TMEM132C: variants seen among roughly 807,000 people sequenced by gnomAD.
The protein encoded by TMEM132C is protein phosphatase 1, regulatory subunit 152.
In TMEM132C, 29 loss-of-function variants were observed where a neutral mutation model predicts 61.4. The observed-to-expected ratio is 0.47, with a 90% CI of 0.35 to 0.64. TMEM132C has a LOEUF of 0.64. Among genes scored for constraint, TMEM132C ranks in the 30% least tolerant of loss-of-function variants. TMEM132C has a pLI of 0.00. For synonymous variants in TMEM132C, 656 were observed against 633.1 expected (o/e 1.04, Z -0.54); for missense variants, 1,408 against 1,476.9 (o/e 0.95, Z 0.76).
At chr12:128,702,060 C>G (rs918106282) in intron 8 of TMEM132C, among the ~76,000 whole-genome samples, 4 of 151,930 alleles carry the variant, frequency 2.6e-5, no homozygotes, top group African/African-American at 9.7e-5. Flanking sequence ...CCACCATGCT[C>G]TGCTAATTTT....
intron 2 of TMEM132C, among the ~76,000 whole-genome samples, chr12:128,539,658 A>G (rs1873665635): frequency 6.6e-6 from 1 of 152,172 alleles, no homozygotes. Context: ...CACTGAGCTC[A>G]TAGGGTGGAT....
chr12:128,289,031 A>T lies in TMEM132C; in HGVS notation c.85+21544A>T, dbSNP rs1871166594. ...CATTAGCGCACACATGCACACTCAC[A>T]TTCACACATGCACCTCCCACACATT... On this transcript the variant is annotated intron_variant, in intron 1 of 8. Transcript: ENST00000435159. The T allele has an allele frequency of 2.0e-5, 3 of 152,254 alleles. No individual in the cohort carries two copies. The South Asian group carries it at 6.2e-4, about 32-fold the overall frequency. The allele number at this position is 152,254 out of a possible 1,614,324, so 9.4% of individuals were successfully genotyped here.
intron 4 of TMEM132C, among the ~76,000 whole-genome samples, chr12:128,618,162 C>T (rs1876872940): frequency 1.3e-5 from 2 of 152,150 alleles, no homozygotes; most frequent in African/African-American, 4.8e-5. Flanking sequence ...TACAAGTGTT[C>T]AGTTTCGACC....
intron 8 of TMEM132C, among the ~76,000 whole-genome samples, chr12:128,702,474 A>G (rs575824776): frequency 5.7e-4 from 86 of 152,138 alleles, no homozygotes; most frequent in African/African-American, 2.0e-3. Context: ...GGAGTCTTCT[A>G]TGATCTCACA....
intron 2 of TMEM132C, among the ~76,000 whole-genome samples, chr12:128,423,709 AAAAAG>A (rs1223504895): frequency 6.6e-6 from 1 of 151,750 alleles, no homozygotes; most frequent in Non-Finnish European, 1.5e-5. Context: ...GTCTCTTAAA[AAAAAG>A]AGAAAAGTGG....
intron 2 of TMEM132C, among the ~76,000 whole-genome samples, chr12:128,528,052 TTAA>T (rs1277160260): frequency 1.3e-5 from 2 of 152,202 alleles, no homozygotes; most frequent in African/African-American, 4.8e-5. Context: ...ACTGGCAATA[TTAA>T]TGAGAAATGT....
At chr12:128,424,792 G>A (rs372633213) in intron 2 of TMEM132C, among the ~76,000 whole-genome samples, 20 of 152,288 alleles carry the variant, frequency 1.3e-4, no homozygotes, top group South Asian at 4.1e-4. Flanking sequence ...CTAACTACAC[G>A]TTGAACATTG....
intron 2 of TMEM132C, among the ~76,000 whole-genome samples, chr12:128,453,469 T>C (rs1870242842): frequency 6.6e-6 from 1 of 152,152 alleles, no homozygotes; most frequent in Non-Finnish European, 1.5e-5. Flanking sequence ...CTGGGCTTCT[T>C]GACATGGCCG....
intron 2 of TMEM132C, among the ~76,000 whole-genome samples, chr12:128,488,882 G>A (rs993505418): frequency 6.6e-6 from 1 of 152,124 alleles, no homozygotes; most frequent in South Asian, 2.1e-4. Flanking sequence ...TAACAGAAAA[G>A]CTTTTATAAA....
chr12:128,364,136 C>T lies in TMEM132C; in HGVS notation c.86-50596C>T, dbSNP rs188214200. ...AATTGCCGTTAAAGGTTCAGGATCCCGCATCTGACCTGACCCATAACCACA... is the reference window on the plus strand; with the variant it reads ...AATTGCCGTTAAAGGTTCAGGATCCTGCATCTGACCTGACCCATAACCACA... On this transcript the variant is annotated intron_variant, in intron 1 of 8. Transcript: ENST00000435159. 2.5e-3 allele frequency among the ~76,000 whole-genome samples: 376 copies of T among 152,120 alleles called. 1 individual carries two copies. Among genetic ancestry groups the T allele is most frequent in the Non-Finnish European group, 2.5e-3 (169 of 67,984 alleles).
intron 1 of TMEM132C, among the ~76,000 whole-genome samples, chr12:128,400,607 T>G (rs1875122379): frequency 6.6e-6 from 1 of 151,216 alleles, no homozygotes; most frequent in Non-Finnish European, 1.5e-5. Flanking sequence ...TTGTTTTTTT[T>G]TTTTTTTGTT....
intron 5 of TMEM132C, among the ~76,000 whole-genome samples, chr12:128,674,794 C>T (rs1465131897): frequency 6.6e-6 from 1 of 152,120 alleles, no homozygotes; most frequent in Non-Finnish European, 1.5e-5. Flanking sequence ...GTATACACTG[C>T]ACCATATTTG....
chr12:128,679,020 G>A (rs1367464545), intron 5 of TMEM132C, among the ~76,000 whole-genome samples: 1 of 152,206 alleles, frequency 6.6e-6, no homozygotes, highest in Admixed American at 6.5e-5. Flanking sequence ...ACCTCTCTGA[G>A]CCTCAGTGTC....
At chr12:128,343,005 C>T (rs1322758737) in intron 1 of TMEM132C, among the ~76,000 whole-genome samples, 1 of 152,126 alleles carries the variant, frequency 6.6e-6, no homozygotes, top group East Asian at 1.9e-4. Context: ...CCAAGATGTC[C>T]CCAGGGAGAT....
intron 1 of TMEM132C, among the ~76,000 whole-genome samples, chr12:128,408,886 G>A (rs1238583818): frequency 6.6e-6 from 1 of 152,196 alleles, no homozygotes; most frequent in Non-Finnish European, 1.5e-5. Flanking sequence ...TCCCTGCCGG[G>A]AAAAGGATTA....
chr12:128,611,077 C>T (rs1290112670), intron 3 of TMEM132C, among the ~76,000 whole-genome samples: 1 of 152,204 alleles, frequency 6.6e-6, no homozygotes, highest in Admixed American at 6.5e-5. Context: ...AGCACTTTGA[C>T]TTGTTCATTC....
chr12:128,333,554 G>A (rs1271266048), intron 1 of TMEM132C, among the ~76,000 whole-genome samples: 1 of 151,868 alleles, frequency 6.6e-6, no homozygotes, highest in East Asian at 1.9e-4. Flanking sequence ...GCATGTATGT[G>A]TGAGTGTTGG....
intron 1 of TMEM132C, among the ~76,000 whole-genome samples, chr12:128,400,537 G>T (rs1309458325): frequency 6.6e-6 from 1 of 151,918 alleles, no homozygotes. Context: ...ATGTTGAACA[G>T]CATCCCTGGC....
intron 2 of TMEM132C, among the ~76,000 whole-genome samples, chr12:128,427,855 A>G (rs982774138): frequency 3.3e-5 from 5 of 152,232 alleles, no homozygotes; most frequent in African/African-American, 1.2e-4. Flanking sequence ...TATTGCAAGC[A>G]CTGCGGACAT....
Sources: allele counts gnomAD v4.1 joint callset (sites outside exome capture counted in the v4.1 genomes callset), GRCh38; gene constraint gnomAD v4.1.1; transcripts MANE v1.5; gene names NCBI Gene and HGNC (gene_info 2026-07-23, HGNC 2026-07-21).